Variants in NBAS observed in about 807,000 individuals in gnomAD.
The protein encoded by NBAS is NBAS subunit of NRZ tethering complex, also known as NAG/BC035112 fusion.
Under a neutral mutation model 302.5 loss-of-function variants are expected in NBAS, and 219 were observed. The observed-to-expected ratio is 0.72, with a 90% CI of 0.65 to 0.81. The LOEUF (loss-of-function observed/expected upper bound fraction) is 0.81. Among genes scored for constraint, NBAS ranks in the 30% least tolerant of loss-of-function variants. The probability of loss-of-function intolerance (pLI) is 0.00; values close to 1 mark genes in which losing one functional copy is unlikely to be tolerated. For missense variants in NBAS, 2,932 were observed against 2,841.6 expected, an observed-to-expected ratio of 1.03 and a Z score of -0.72; for synonymous variants, 1,118 against 1,021.6, an observed-to-expected ratio of 1.09 and a Z score of -1.80.
rs1667519598 is a variant in NBAS at position 15,234,721 on chromosome 2, G to C, written c.5970C>G (p.Leu1990=). 5.0e-6 allele frequency: 8 copies of C among 1,614,000 alleles called. No individual in the cohort carries two copies. The Admixed American group carries it at 6.7e-5, about 13-fold the overall frequency. Residue 1990 remains leucine (L), a synonymous_variant, in exon 46 of 52, where the codon CTC becomes CTG. Coordinates refer to ENST00000281513, the MANE Select transcript of NBAS (RefSeq NM_015909.4). The stretch of plus-strand genomic sequence containing the variant: ...CTTTTTCTGATCGGGACAGATCATA[G>C]AGGTGACTGTATTTTTGCAGTGTTT... ...EQETLQKYSH[L]YDLSRSEKEK... is the part of the protein sequence containing the mutation.
At chr2:15,299,989 C>T (rs1197265638) in intron 40 of NBAS, among the ~76,000 whole-genome samples, 2 of 152,184 alleles carry the variant, frequency 1.3e-5, no homozygotes, top group African/African-American at 4.8e-5. Context: ...TTCTCTCAGA[C>T]TGACCATTTG....
At chr2:14,788,948 A>T in the NBAS span, among the ~76,000 whole-genome samples, 1 of 152,216 alleles carries the variant, frequency 6.6e-6, no homozygotes, top group African/African-American at 2.4e-5. Flanking sequence ...GAGCCTACAG[A>T]GGCAGGCAGG....
At chr2:15,067,938 TA>T in the NBAS span, among the ~76,000 whole-genome samples, 3 of 152,106 alleles carry the variant, frequency 2.0e-5, no homozygotes, top group Non-Finnish European at 4.4e-5. Flanking sequence ...AATACATAAC[TA>T]AAAGAGTTTC....
chr2:14,882,445 A>G, the NBAS span, among the ~76,000 whole-genome samples: 1 of 152,176 alleles, frequency 6.6e-6, no homozygotes, highest in African/African-American at 2.4e-5. Context: ...CCCAAGACAC[A>G]AAGAAACTTG....
chr2:15,211,530 C>T (rs1398749370), intron 48 of NBAS, among the ~76,000 whole-genome samples: 1 of 152,222 alleles, frequency 6.6e-6, no homozygotes, highest in Non-Finnish European at 1.5e-5. Flanking sequence ...ATTCTATCTC[C>T]TCTACCAGTG....
chr2:15,352,281 G>A (rs549755131), intron 34 of NBAS, among the ~76,000 whole-genome samples, 200 bp from the exon 35 acceptor site: 30 of 152,218 alleles, frequency 2.0e-4, no homozygotes, highest in African/African-American at 7.2e-4. Flanking sequence ...GGGATCAAGT[G>A]TGAAAAAAAT....
chr2:15,226,866 C>G (rs186890676), intron 47 of NBAS, among the ~76,000 whole-genome samples: 2 of 152,284 alleles, frequency 1.3e-5, no homozygotes, highest in Non-Finnish European at 2.9e-5. Flanking sequence ...CGTGGACAAT[C>G]TGACTTCCTC....
At chr2:14,813,791 A>G in the NBAS span, among the ~76,000 whole-genome samples, 4 of 152,218 alleles carry the variant, frequency 2.6e-5, no homozygotes, top group African/African-American at 9.6e-5. Flanking sequence ...AAGGGGAGCC[A>G]AATATCAACA....
chr2:15,023,099 T>C, the NBAS span, among the ~76,000 whole-genome samples: 1 of 152,160 alleles, frequency 6.6e-6, no homozygotes, highest in Non-Finnish European at 1.5e-5. Context: ...GATATATATG[T>C]GCATATACAT....
chr2:15,086,910 C>T, the NBAS span, among the ~76,000 whole-genome samples: 10,090 of 152,206 alleles, frequency 0.066, 743 homozygotes, highest in African/African-American at 0.17. Context: ...AATTGCCCTT[C>T]CTAATGTGGG....
At chr2:15,011,424 A>G in the NBAS span, among the ~76,000 whole-genome samples, 1 of 152,168 alleles carries the variant, frequency 6.6e-6, no homozygotes, top group South Asian at 2.1e-4. Context: ...AAAATCAGAC[A>G]TGGCCCCCCA....
chr2:14,859,344 T>G, the NBAS span, among the ~76,000 whole-genome samples: 2 of 151,872 alleles, frequency 1.3e-5, no homozygotes, highest in Non-Finnish European at 1.5e-5. Flanking sequence ...CCTCAAAAAT[T>G]TTTATGGTAT....
rs761217194 is a variant in NBAS at position 15,232,411 on chromosome 2, T to C, written c.6236+11A>G. 2 of 1,612,362 alleles carry C rather than the reference T, an allele frequency of 1.2e-6. No individual in the cohort carries two copies. Among genetic ancestry groups the C allele is most frequent in the Admixed American group, 1.7e-5 (1 of 60,020 alleles). ...CAGTTAATGAAGATGCACATACTGT[T>C]CTAGTCTTACCCCTTGTCCACACTG... is the stretch of plus-strand genomic sequence containing the variant. On this transcript the variant is annotated intron_variant, in intron 47 of 51. Transcript: ENST00000281513.
At chr2:15,427,559 C>G (rs1677540594) in intron 22 of NBAS, 152 bp downstream of exon 22, 1 of 654,498 alleles carries the variant, frequency 1.5e-6, no homozygotes, top group African/African-American at 1.8e-5. Context: ...TTTAACATAA[C>G]TGAGTCAAAG....
chr2:14,868,023 C>T, the NBAS span, among the ~76,000 whole-genome samples: 1 of 152,210 alleles, frequency 6.6e-6, no homozygotes, highest in African/African-American at 2.4e-5. Context: ...TAGACCTTGG[C>T]ACTTGGTGCC....
At chr2:15,485,494 T>C (rs1031367063) in intron 12 of NBAS, among the ~76,000 whole-genome samples, 34 of 152,350 alleles carry the variant, frequency 2.2e-4, no homozygotes, top group African/African-American at 6.0e-4. Context: ...TCCCACACAG[T>C]CATGGAAAGA....
chr2:14,991,546 G>A, the NBAS span, among the ~76,000 whole-genome samples: 2 of 152,216 alleles, frequency 1.3e-5, no homozygotes, highest in Non-Finnish European at 2.9e-5. Flanking sequence ...TTTGAAGTAC[G>A]TTAGAAACAC....
At chr2:15,497,376 A>G (rs1681109705) in intron 11 of NBAS, among the ~76,000 whole-genome samples, 1 of 152,200 alleles carries the variant, frequency 6.6e-6, no homozygotes, top group African/African-American at 2.4e-5. Context: ...GCCACACAAG[A>G]AAAAAGAAGT....
At chr2:15,293,976 A>T (rs937729217) in intron 40 of NBAS, among the ~76,000 whole-genome samples, 1 of 152,228 alleles carries the variant, frequency 6.6e-6, no homozygotes, top group Non-Finnish European at 1.5e-5. Context: ...ATGTGTCTCA[A>T]GTTAAAAGAC....
Sources: allele counts gnomAD v4.1 joint callset (sites outside exome capture counted in the v4.1 genomes callset), GRCh38; gene constraint gnomAD v4.1.1; transcripts MANE v1.5; gene names NCBI Gene and HGNC (gene_info 2026-07-23, HGNC 2026-07-21).